The following R3HDM1 variants were observed in gnomAD, a reference collection of about 807,000 sequenced individuals.
R3HDM1 encodes R3H domain-containing protein 1.
In R3HDM1, 46 loss-of-function variants were observed where a neutral mutation model predicts 141.1. That is an observed-to-expected ratio of 0.33 (90% CI 0.26 to 0.42). R3HDM1 has a LOEUF of 0.42. Among genes scored for constraint, R3HDM1 ranks in the 10% least tolerant of loss-of-function variants. The probability of loss-of-function intolerance (pLI) is 1.00; values close to 1 mark genes in which losing one functional copy is unlikely to be tolerated. For missense variants in R3HDM1, 1,184 were observed against 1,368.3 expected (o/e 0.87, Z 2.12); for synonymous variants, 435 against 472.9 (o/e 0.92, Z 1.04).
At chr2:135,653,456 C>CT (rs137959639) in intron 18 of R3HDM1, among the ~76,000 whole-genome samples, 6,276 of 149,808 alleles carry the variant, frequency 0.042, 444 homozygotes, top group African/African-American at 0.15. Context: ...TTCTTTTTTT[C>CT]TTTTTTTTTA....
chr2:135,612,485 T>G (rs2060637321), intron 3 of R3HDM1, among the ~76,000 whole-genome samples: 1 of 152,216 alleles, frequency 6.6e-6, no homozygotes, highest in Non-Finnish European at 1.5e-5. Context: ...TTGCTCTGTT[T>G]TTTTCAGTTC....
At chr2:135,601,011 G>C (rs2059581580) in intron 1 of R3HDM1, among the ~76,000 whole-genome samples, 1 of 151,978 alleles carries the variant, frequency 6.6e-6, no homozygotes, top group South Asian at 2.1e-4. Flanking sequence ...TAAAAACCTT[G>C]CTTTTATGGA....
At chr2:135,708,478 A>T (rs2075218079) in intron 21 of R3HDM1, among the ~76,000 whole-genome samples, 1 of 152,208 alleles carries the variant, frequency 6.6e-6, no homozygotes, top group Non-Finnish European at 1.5e-5. Context: ...TAAATTAAGA[A>T]ATACTGTTTT....
chr2:135,549,400 C>T (rs1445498931), intron 1 of R3HDM1, among the ~76,000 whole-genome samples: 1 of 151,612 alleles, frequency 6.6e-6, no homozygotes, highest in African/African-American at 2.4e-5. Flanking sequence ...ACTAAAAATA[C>T]AAAAATTAGC....
intron 23 of R3HDM1, among the ~76,000 whole-genome samples, chr2:135,711,304 T>C (rs1010855990): frequency 4.6e-5 from 7 of 152,186 alleles, no homozygotes; most frequent in Non-Finnish European, 1.5e-5. Context: ...TGTTATACAT[T>C]AAAAGAGACT....
At chr2:135,596,933 C>A in intron 1 of R3HDM1, 2 of 811,196 alleles carry the variant, frequency 2.5e-6, no homozygotes, top group Non-Finnish European at 3.0e-6. Context: ...AATGTGGAGT[C>A]ATAGGATATG....
At position 135,701,238 on chromosome 2, in the gene R3HDM1, A is replaced by C. The variant is rs972134504; in HGVS notation, c.2460-8195A>C. ...TCATCTCTACCAAAAAAAAAAAAAA[A>C]AAAAAACTATAAAAATTAGCCAGGT... On this transcript the variant is annotated intron_variant, in intron 21 of 26. Coordinates refer to ENST00000683871, the MANE Select transcript of R3HDM1 (RefSeq NM_001378107.1). 5.0e-3 allele frequency among the ~76,000 whole-genome samples: 754 copies of C among 151,244 alleles called. 8 individuals carry two copies. The highest frequency in any genetic ancestry group is 0.017 in the African/African-American group (699 of 41,254).
At chr2:135,663,385 A>T (rs974310814) in intron 19 of R3HDM1, among the ~76,000 whole-genome samples, 1 of 152,226 alleles carries the variant, frequency 6.6e-6, no homozygotes, top group Non-Finnish European at 1.5e-5. Flanking sequence ...TTTGACTCTT[A>T]TGAGTCAGTC....
intron 1 of R3HDM1, among the ~76,000 whole-genome samples, chr2:135,573,545 A>G (rs765279407): frequency 6.7e-6 from 1 of 149,388 alleles, no homozygotes; most frequent in Non-Finnish European, 1.5e-5. Context: ...TTTTTTTTTT[A>G]AGGTTTCCAA....
intron 21 of R3HDM1, among the ~76,000 whole-genome samples, chr2:135,704,180 A>G (rs1489885217): frequency 6.6e-6 from 1 of 152,156 alleles, no homozygotes; most frequent in Non-Finnish European, 1.5e-5. Flanking sequence ...GGGTTTCACC[A>G]TGCTGACCAG....
chr2:135,716,471 T>C (rs1176351767), intron 24 of R3HDM1, among the ~76,000 whole-genome samples: 1 of 152,170 alleles, frequency 6.6e-6, no homozygotes, highest in Non-Finnish European at 1.5e-5. Context: ...TAAACTAATA[T>C]GGAAACCATT....
chr2:135,540,826 A>G (rs1697319575), intron 1 of R3HDM1, among the ~76,000 whole-genome samples: 1 of 152,238 alleles, frequency 6.6e-6, no homozygotes, highest in African/African-American at 2.4e-5. Flanking sequence ...GTAGCCTTAC[A>G]AAGTGTATTT....
chr2:135,610,979 A>G (rs763775185), intron 3 of R3HDM1, among the ~76,000 whole-genome samples: 2 of 151,982 alleles, frequency 1.3e-5, no homozygotes, highest in Non-Finnish European at 2.9e-5. Context: ...GCGTCACGGT[A>G]CATACCTGTA....
intron 7 of R3HDM1, among the ~76,000 whole-genome samples, chr2:135,623,608 G>A (rs2061706375): frequency 6.6e-6 from 1 of 152,178 alleles, no homozygotes. Flanking sequence ...AAGGATTATA[G>A]GTAAGGATTT....
intron 1 of R3HDM1, among the ~76,000 whole-genome samples, chr2:135,569,718 C>CTTTTTTTTTTTTTTT (rs139858819): frequency 2.3e-5 from 3 of 129,338 alleles, no homozygotes; most frequent in East Asian, 2.1e-4. Flanking sequence ...ATAGTAAGCT[C>CTTTTTTTTTTTTTTT]TTTTTTTTTT....
chr2:135,632,934 T>G (rs1359837113), intron 9 of R3HDM1, among the ~76,000 whole-genome samples: 1 of 152,216 alleles, frequency 6.6e-6, no homozygotes, highest in Non-Finnish European at 1.5e-5. Context: ...ATCTATGCCT[T>G]TTCTGATTTA....
intron 22 of R3HDM1, 136 bp from the exon 23 acceptor site, chr2:135,709,923 G>T: frequency 2.3e-6 from 2 of 875,352 alleles, no homozygotes; most frequent in Middle Eastern, 3.2e-4. Flanking sequence ...ATGCACTAGG[G>T]CTTCAACCTG....
chr2:135,694,357 A>G (rs964709564), intron 21 of R3HDM1, among the ~76,000 whole-genome samples: 1 of 152,168 alleles, frequency 6.6e-6, no homozygotes, highest in Admixed American at 6.5e-5. Context: ...AATAATTTCC[A>G]GGTCTTGGGA....
chr2:135,622,631 GT>G (rs751749187), intron 6 of R3HDM1, 22 bp from the exon 7 acceptor site: 16 of 1,580,168 alleles, frequency 1.0e-5, no homozygotes, highest in East Asian at 2.3e-5. Context: ...TTTATACTGG[GT>G]TTTTGTGTTG....
Sources: gnomAD v4.1 joint callset for allele counts (sites outside exome capture counted in the v4.1 genomes callset) on GRCh38, gnomAD v4.1.1 for gene constraint, MANE v1.5 for transcripts, NCBI Gene and HGNC (gene_info 2026-07-23, HGNC 2026-07-21) for gene names.